The following FOXP1 variants were observed in gnomAD, a reference collection of about 807,000 sequenced individuals.
FOXP1 encodes the protein forkhead box protein P1.
A neutral mutation model predicts 98.2 loss-of-function variants in FOXP1; 15 were observed. The observed-to-expected ratio is 0.15, with a 90% CI of 0.10 to 0.24. The LOEUF (loss-of-function observed/expected upper bound fraction) is 0.24, where lower values mean the gene tolerates loss of function less well. Among genes scored for constraint, FOXP1 ranks in the 10% least tolerant of loss-of-function variants. The probability of loss-of-function intolerance (pLI) is 1.00; values close to 1 mark genes in which losing one functional copy is unlikely to be tolerated. For missense variants in FOXP1, 633 were observed against 848.5 expected, an observed-to-expected ratio of 0.75 and a Z score of 3.15; for synonymous variants, 371 against 314.5, an observed-to-expected ratio of 1.18 and a Z score of -1.90.
chr3:71,497,983 T>TG (rs1469430068), intron 2 of FOXP1, among the ~76,000 whole-genome samples: 1 of 152,228 alleles, frequency 6.6e-6, no homozygotes, highest in African/African-American at 2.4e-5. Context: ...ATTACCATCT[T>TG]GGGGGTCATT....
intron 3 of FOXP1, among the ~76,000 whole-genome samples, chr3:71,395,799 A>G (rs1447458221): frequency 6.6e-6 from 1 of 151,916 alleles, no homozygotes; most frequent in South Asian, 2.1e-4. Flanking sequence ...GGTCTCCAAT[A>G]ATGTATTCTC....
intron 3 of FOXP1, among the ~76,000 whole-genome samples, chr3:71,419,459 G>A (rs984345249): frequency 2.6e-5 from 4 of 151,878 alleles, no homozygotes; most frequent in South Asian, 2.1e-4. Context: ...AAAAGTAGAT[G>A]TTTACAGAAG....
intron 3 of FOXP1, among the ~76,000 whole-genome samples, chr3:71,480,494 T>C (rs1265879774): frequency 6.6e-6 from 1 of 152,238 alleles, no homozygotes; most frequent in Non-Finnish European, 1.5e-5. Context: ...CAATGTTTCG[T>C]TCCCAAATGA....
chr3:71,431,476 C>A (rs979503239), intron 3 of FOXP1, among the ~76,000 whole-genome samples: 1 of 152,130 alleles, frequency 6.6e-6, no homozygotes. Flanking sequence ...TTCAGGCACT[C>A]AATTCTTACC....
chr3:71,109,446 G>A (rs1268920820), intron 7 of FOXP1, among the ~76,000 whole-genome samples: 1 of 148,456 alleles, frequency 6.7e-6, no homozygotes, highest in Non-Finnish European at 1.5e-5. Flanking sequence ...TTTCCCTCAA[G>A]CTATCAGCAG....
At chr3:71,213,760 C>G (rs1342849035) in intron 5 of FOXP1, among the ~76,000 whole-genome samples, 2 of 152,212 alleles carry the variant, frequency 1.3e-5, no homozygotes, top group East Asian at 3.9e-4. Flanking sequence ...AGGTTGCAGT[C>G]AGCCAAGATC....
At chr3:71,066,681 T>G (rs948746836) in intron 7 of FOXP1, among the ~76,000 whole-genome samples, 1 of 152,244 alleles carries the variant, frequency 6.6e-6, no homozygotes, top group Non-Finnish European at 1.5e-5. Context: ...GACTTTCTTT[T>G]TCCCAAAGTA....
At chr3:71,507,098 A>ATG (rs1253867013) in intron 2 of FOXP1, among the ~76,000 whole-genome samples, 1 of 152,204 alleles carries the variant, frequency 6.6e-6, no homozygotes, top group African/African-American at 2.4e-5. Context: ...AGCTGCTGCC[A>ATG]GTCCTTCATG....
rs78071244 is a variant in FOXP1 at position 71,039,810 on chromosome 3, T to C, written c.869+1518A>G. ...AGAGATTGTAAAGCAAGAGCTAAGA[T>C]TGGCTTCCAGACATACATATCTATC... is the stretch of plus-strand genomic sequence containing the variant. On this transcript the variant is annotated intron_variant, in intron 11 of 20. Transcript: ENST00000649528. Among the ~76,000 whole-genome samples the C allele has an allele frequency of 2.9e-3, 444 of 151,078 alleles. 1 individual carries two copies. The highest frequency in any genetic ancestry group is 4.1e-3 in the Non-Finnish European group (275 of 67,834).
chr3:71,396,347 C>A (rs2108160393), intron 3 of FOXP1, among the ~76,000 whole-genome samples: 1 of 152,288 alleles, frequency 6.6e-6, no homozygotes, highest in African/African-American at 2.4e-5. Context: ...CTAAGACGTG[C>A]ACCTGGGACG....
chr3:71,467,456 T>A (rs542930600), intron 3 of FOXP1, among the ~76,000 whole-genome samples: 4 of 152,290 alleles, frequency 2.6e-5, no homozygotes, highest in African/African-American at 9.6e-5. Context: ...AAATGACTGA[T>A]GAAAATGATT....
At chr3:71,072,485 A>T (rs1295712785) in intron 7 of FOXP1, among the ~76,000 whole-genome samples, 4 of 152,254 alleles carry the variant, frequency 2.6e-5, no homozygotes, top group African/African-American at 9.6e-5. Context: ...CAAAACGTTT[A>T]CTGGGACATT....
At chr3:71,340,943 TA>T (rs1436325982) in intron 4 of FOXP1, among the ~76,000 whole-genome samples, 2 of 152,184 alleles carry the variant, frequency 1.3e-5, no homozygotes, top group Non-Finnish European at 2.9e-5. Flanking sequence ...AATCTTCACC[TA>T]AAAACAGAAC....
chr3:71,027,082 G>C (rs753828267), intron 11 of FOXP1, among the ~76,000 whole-genome samples: 6 of 152,162 alleles, frequency 3.9e-5, no homozygotes, highest in Non-Finnish European at 8.8e-5. Context: ...CCAAAAAGTG[G>C]TGTGAGCAAC....
chr3:71,290,362 C>A (rs1390616276), intron 5 of FOXP1, among the ~76,000 whole-genome samples: 1 of 152,210 alleles, frequency 6.6e-6, no homozygotes, highest in African/African-American at 2.4e-5. Context: ...CTTTTTCAAA[C>A]TCCCCATCAA....
At chr3:71,468,465 C>A (rs534281152) in intron 3 of FOXP1, among the ~76,000 whole-genome samples, 14 of 152,174 alleles carry the variant, frequency 9.2e-5, no homozygotes, top group Non-Finnish European at 1.9e-4. Flanking sequence ...CTCTTCGACA[C>A]GTGATACCTT....
At chr3:71,403,961 T>A (rs1388971195) in intron 3 of FOXP1, among the ~76,000 whole-genome samples, 1 of 151,970 alleles carries the variant, frequency 6.6e-6, no homozygotes, top group Non-Finnish European at 1.5e-5. Flanking sequence ...AATGTAAAAT[T>A]CCATTTTATT....
chr3:70,988,962 A>C (rs2040191111), intron 13 of FOXP1, among the ~76,000 whole-genome samples: 1 of 152,122 alleles, frequency 6.6e-6, no homozygotes, highest in African/African-American at 2.4e-5. Context: ...AATATGAGAG[A>C]GAGAGAGGAG....
chr3:71,474,924 C>T (rs922834349), intron 3 of FOXP1, among the ~76,000 whole-genome samples: 1 of 152,086 alleles, frequency 6.6e-6, no homozygotes, highest in African/African-American at 2.4e-5. Context: ...TCCCTGGTGC[C>T]AACAAGGCTG....
Sources: allele counts gnomAD v4.1 joint callset (sites outside exome capture counted in the v4.1 genomes callset), GRCh38; gene constraint gnomAD v4.1.1; transcripts MANE v1.5; gene names NCBI Gene and HGNC (gene_info 2026-07-23, HGNC 2026-07-21).